The following ZNF761 variants were observed in gnomAD, a reference collection of about 807,000 sequenced individuals.
ZNF761 encodes zinc finger protein 761.
Under a neutral mutation model 59.9 loss-of-function variants are expected in ZNF761, and 43 were observed. The ratio of observed to expected loss-of-function variants is 0.72; its 90% confidence interval spans 0.56 to 0.92. ZNF761 has a LOEUF of 0.92. ZNF761 is among the 40% of genes least tolerant of loss of function. The pLI, the probability that ZNF761 is intolerant of heterozygous loss-of-function variation, is 0.00. For missense variants in ZNF761, 850 were observed against 906.1 expected (o/e 0.94, Z 0.79); for synonymous variants, 294 against 304.8 (o/e 0.96, Z 0.37).
intron 1 of ZNF761, among the ~76,000 whole-genome samples, chr19:53,435,035 G>A (rs138892846): frequency 8.4e-4 from 127 of 152,084 alleles, no homozygotes; most frequent in Non-Finnish European, 1.0e-3. Context: ...CCTGCAGTCC[G>A]CATGGGTAAG....
intron 1 of ZNF761, among the ~76,000 whole-genome samples, chr19:53,436,888 A>G (rs1455323804): frequency 6.6e-6 from 1 of 152,192 alleles, no homozygotes; most frequent in East Asian, 1.9e-4. Flanking sequence ...TTTATAAGCA[A>G]GTTTTCACAA....
rs576384120 is a variant in ZNF761, at chr19:53,445,857, C to T, written c.-184-370C>T. The stretch of plus-strand genomic sequence containing the variant: ...CCCTCCACCAGCTTCCCGTGTTCCC[C>T]AGAACAAAAGCCCAACTCCTCACTG... On this transcript the variant is annotated intron_variant, in intron 1 of 4. Transcript: ENST00000684525. Among the ~76,000 whole-genome samples, 6 of 152,252 alleles carry T rather than the reference C, an allele frequency of 3.9e-5. No homozygotes were observed. In the South Asian group the frequency reaches 1.2e-3, roughly 32 times the overall value.
intron 1 of ZNF761, chr19:53,442,472 G>C: frequency 1.3e-6 from 1 of 754,706 alleles, no homozygotes; most frequent in Non-Finnish European, 2.4e-6. Flanking sequence ...CCCATGCTGA[G>C]TTGGCTGAGA....
chr19:53,447,318 C>T (rs2086171290), intron 3 of ZNF761, 35 bp downstream of exon 3: 1 of 1,610,474 alleles, frequency 6.2e-7, no homozygotes, highest in Non-Finnish European at 8.5e-7. Context: ...GTTCTGTCTC[C>T]TTCCTTTCAG....
Position 53,457,081 on chromosome 19 carries a change from AT to A in ZNF761, c.*334del, listed in dbSNP as rs1194338126. On this transcript the variant is annotated 3_prime_UTR_variant, in exon 5 of 5. Transcript: ENST00000684525. ...ACTGGAGAGAAACCTTACCAGTGTAATGAGTGTGGCAAAGCCTTTAGTAGGC... is the reference window on the plus strand; with the variant it reads ...ACTGGAGAGAAACCTTACCAGTGTAAGAGTGTGGCAAAGCCTTTAGTAGGC... 3.2e-6 allele frequency: 2 copies of A among 626,054 alleles called. No homozygotes were observed. The highest frequency in any genetic ancestry group is 3.7e-5 in the African/African-American group (2 of 54,374). 38.8% of individuals were successfully genotyped at this position (626,054 alleles called of 1,614,324 possible). A position where few individuals can be genotyped will look rare whatever the true frequency, so the allele number is the denominator to read the frequency against.
chr19:53,447,311 C>G, intron 3 of ZNF761, 28 bp downstream of exon 3: 2 of 1,611,650 alleles, frequency 1.2e-6, no homozygotes, highest in South Asian at 1.1e-5. Flanking sequence ...GTGGATTGTT[C>G]TGTCTCCTTC....
At position 53,456,660 on chromosome 19, in the gene ZNF761, A is replaced by G; in HGVS notation, c.2153A>G (p.Tyr718Cys). ...HHRLHTGEKP[Y>C]KCNECGKTFS... Reference sequence around the variant, plus strand: ...AGACTTCATACTGGAGAGAAACCTTACAAGTGTAATGAGTGTGGCAAGACC... The same window carrying G: ...AGACTTCATACTGGAGAGAAACCTTGCAAGTGTAATGAGTGTGGCAAGACC... The change falls in exon 5 of 5, where the codon TAC (tyrosine) becomes TGC (cysteine). Residue 718 changes from tyrosine to cysteine, a missense_variant. Physicochemically the swap from Tyr to Cys is radical, Grantham distance 194. Transcript: ENST00000684525. The G allele has an allele frequency of 2.5e-6, 4 of 1,614,018 alleles. No individual in the cohort carries two copies. The highest frequency in any genetic ancestry group is 1.3e-5 in the African/African-American group (1 of 75,026).
At chr19:53,441,908 G>C (rs1228461550) in intron 1 of ZNF761, 1 of 1,571,230 alleles carries the variant, frequency 6.4e-7, no homozygotes, top group Non-Finnish European at 8.6e-7. Flanking sequence ...CAAGATCCAG[G>C]TTCTGCAGCA....
chr19:53,438,023 C>G (rs1415678244), intron 1 of ZNF761, among the ~76,000 whole-genome samples: 1 of 120,002 alleles, frequency 8.3e-6, no homozygotes, highest in African/African-American at 2.8e-5. Flanking sequence ...TACTTGACAT[C>G]TGGGTCTCTG....
intron 4 of ZNF761, among the ~76,000 whole-genome samples, chr19:53,451,080 T>C (rs1271349953): frequency 2.0e-5 from 3 of 152,216 alleles, no homozygotes; most frequent in Non-Finnish European, 4.4e-5. Context: ...CTGTGTATGT[T>C]GCACTTTCAT....
rs2086255344 is a variant in ZNF761, at chr19:53,455,194, C to T, written c.687C>T (p.Leu229=). Residue 229 remains leucine (L), a synonymous_variant, in exon 5 of 5, where the codon CTC becomes CTT. Transcript: ENST00000684525. ...GCAAAGCCTTTAATTACAGCTCACTCTTAAGGAAACATCAGATAATCCATT... is the reference window on the plus strand; with the variant it reads ...GCAAAGCCTTTAATTACAGCTCACTTTTAAGGAAACATCAGATAATCCATT... ...ESGKAFNYSS[L]LRKHQIIHLA... 2 of 1,614,190 alleles carry T rather than the reference C, an allele frequency of 1.2e-6. No individual in the cohort carries two copies. Among genetic ancestry groups the T allele is most frequent in the Non-Finnish European group, 1.7e-6 (2 of 1,180,036 alleles).
At chr19:53,439,101 T>C (rs945377663) in intron 1 of ZNF761, among the ~76,000 whole-genome samples, 1 of 151,956 alleles carries the variant, frequency 6.6e-6, no homozygotes, top group Admixed American at 6.6e-5. Context: ...TGAAACCCTG[T>C]CTTTACCAAA....
At chr19:53,445,207 C>T (rs576166559) in intron 1 of ZNF761, 28 of 152,134 alleles carry the variant, frequency 1.8e-4, no homozygotes, top group East Asian at 5.8e-4. Flanking sequence ...GACCCTCTTT[C>T]GCTATTTTCA....
intron 4 of ZNF761, chr19:53,449,856 T>G: frequency 5.3e-6 from 6 of 1,137,574 alleles, no homozygotes; most frequent in Non-Finnish European, 6.0e-6. Flanking sequence ...TTGGGCAAAT[T>G]TTTTAGTTTG....
chr19:53,457,179 G>A lies in ZNF761; in HGVS notation c.*431G>A. ...TTACTAAGGTAATGATTGTCACAAA[G>A]TCTTCAGTAATGCTACAACCATTGT... On this transcript the variant is annotated 3_prime_UTR_variant, in exon 5 of 5. Coordinates refer to ENST00000684525, the MANE Select transcript of ZNF761 (RefSeq NM_001289951.2). The A allele has an allele frequency of 2.0e-6, 1 of 508,766 alleles. No homozygotes were observed. The highest frequency in any genetic ancestry group is 1.5e-5 in the South Asian group (1 of 64,706). The allele number at this position is 508,766 out of a possible 1,614,324, so 31.5% of individuals were successfully genotyped here.
At chr19:53,435,530 C>T (rs2086031644) in intron 1 of ZNF761, among the ~76,000 whole-genome samples, 1 of 151,460 alleles carries the variant, frequency 6.6e-6, no homozygotes, top group African/African-American at 2.4e-5. Flanking sequence ...CTCGAACTCC[C>T]GACCTCAGGT....
At chr19:53,439,035 C>T (rs989344788) in intron 1 of ZNF761, among the ~76,000 whole-genome samples, 11 of 152,018 alleles carry the variant, frequency 7.2e-5, no homozygotes, top group Admixed American at 2.0e-4. Flanking sequence ...ACACTTTGGG[C>T]GGCCACATGG....
rs576213614 is a variant in ZNF761, at chr19:53,438,117, G to A, written c.-185+6089G>A. On this transcript the variant is annotated intron_variant, in intron 1 of 4. Coordinates refer to ENST00000684525, the MANE Select transcript of ZNF761 (RefSeq NM_001289951.2). The stretch of plus-strand genomic sequence containing the variant: ...AGTTATGGAGAAGAGCTGCCTGTTC[G>A]ACTGGGAGCAGAATAGCCAGGTTAG... 1.6e-3 allele frequency among the ~76,000 whole-genome samples: 180 copies of A among 114,414 alleles called. 4 individuals are homozygous for A. The highest frequency in any genetic ancestry group is 5.4e-3 in the African/African-American group (170 of 31,414). The allele number at this position is 114,414 out of a possible 152,430, so 75.1% of individuals were successfully genotyped here. A position where few individuals can be genotyped will look rare whatever the true frequency, so the allele number is the denominator to read the frequency against.
At chr19:53,449,730 C>A in intron 4 of ZNF761, 92 bp downstream of exon 4, 2 of 1,583,672 alleles carry the variant, frequency 1.3e-6, no homozygotes, top group Non-Finnish European at 1.7e-6. Context: ...GCTCTGTCAC[C>A]CAGGGTAGAG....
Sources: gnomAD v4.1 joint callset for allele counts (sites outside exome capture counted in the v4.1 genomes callset) on GRCh38, gnomAD v4.1.1 for gene constraint, MANE v1.5 for transcripts, NCBI Gene and HGNC (gene_info 2026-07-23, HGNC 2026-07-21) for gene names.